The following AUTS2 variants were observed in gnomAD, a reference collection of about 807,000 sequenced individuals.
AUTS2 encodes activator of transcription and developmental regulator AUTS2, also known as autism susceptibility gene 2 protein.
AUTS2 carries 17 observed loss-of-function variants against 112.4 expected under a neutral mutation model. The ratio of observed to expected loss-of-function variants is 0.15; its 90% CI spans 0.10 to 0.23. The LOEUF is 0.23. Ranked by LOEUF, AUTS2 falls within the 10% of genes least tolerant of loss-of-function variation. The pLI, the probability that AUTS2 is intolerant of heterozygous loss-of-function variation, is 1.00. For synonymous variants in AUTS2, 751 were observed against 702.7 expected (o/e 1.07, Z -1.09); for missense variants, 1,510 against 1,701.6 (o/e 0.89, Z 1.98).
At chr7:70,164,211 T>C (rs1177789302) in intron 4 of AUTS2, among the ~76,000 whole-genome samples, 2 of 152,218 alleles carry the variant, frequency 1.3e-5, no homozygotes, top group African/African-American at 4.8e-5. Flanking sequence ...TGTTGTTACA[T>C]CTTACACTTG....
intron 5 of AUTS2, among the ~76,000 whole-genome samples, chr7:70,541,506 A>G (rs1800553003): frequency 6.6e-6 from 1 of 152,264 alleles, no homozygotes; most frequent in South Asian, 2.1e-4. Flanking sequence ...TATCAGGATA[A>G]GAAGGAACAT....
chr7:69,605,101 A>C (rs1488006490), intron 1 of AUTS2, among the ~76,000 whole-genome samples: 5 of 152,248 alleles, frequency 3.3e-5, no homozygotes, highest in African/African-American at 1.2e-4. Context: ...TATTTTGACC[A>C]CAGAGCACTT....
At chr7:70,712,115 T>G (rs1359993234) in intron 6 of AUTS2, among the ~76,000 whole-genome samples, 1 of 150,820 alleles carries the variant, frequency 6.6e-6, no homozygotes, top group African/African-American at 2.4e-5. Context: ...ACCTCCACTT[T>G]CTGGCTCAAG....
At chr7:69,626,595 TATAA>T (rs1793961551) in intron 1 of AUTS2, among the ~76,000 whole-genome samples, 1 of 152,182 alleles carries the variant, frequency 6.6e-6, no homozygotes, top group Non-Finnish European at 1.5e-5. Context: ...TAGTTTATTA[TATAA>T]ATCATATGCA....
chr7:70,684,282 C>T (rs746483957), intron 5 of AUTS2, among the ~76,000 whole-genome samples: 13 of 152,280 alleles, frequency 8.5e-5, no homozygotes, highest in Middle Eastern at 3.4e-3. Context: ...GACTAACATG[C>T]GGTTGGCCAC....
chr7:70,665,455 T>C (rs1017459057), intron 5 of AUTS2, among the ~76,000 whole-genome samples: 82 of 150,424 alleles, frequency 5.5e-4, no homozygotes, highest in Middle Eastern at 3.4e-3. Context: ...ATTTATCTAT[T>C]TATTTATTTA....
At chr7:70,714,088 G>C in intron 6 of AUTS2, among the ~76,000 whole-genome samples, 1 of 152,092 alleles carries the variant, frequency 6.6e-6, no homozygotes, top group East Asian at 1.9e-4. Context: ...ATTTTCAACA[G>C]GGAATATCAC....
chr7:70,431,651 C>T (rs1795677779), intron 4 of AUTS2, among the ~76,000 whole-genome samples: 1 of 152,234 alleles, frequency 6.6e-6, no homozygotes, highest in South Asian at 2.1e-4. Context: ...TCCCAAAGTG[C>T]TGGGATTACA....
intron 2 of AUTS2, among the ~76,000 whole-genome samples, chr7:69,967,612 C>G (rs886784299): frequency 1.3e-5 from 2 of 152,130 alleles, no homozygotes; most frequent in African/African-American, 4.8e-5. Flanking sequence ...TTCCTCCTGT[C>G]TTTGAATACT....
intron 4 of AUTS2, among the ~76,000 whole-genome samples, chr7:70,360,220 T>C (rs1329519214): frequency 6.6e-6 from 1 of 152,158 alleles, no homozygotes; most frequent in Non-Finnish European, 1.5e-5. Flanking sequence ...CTCAACCTCC[T>C]GGGCTCAGGC....
intron 2 of AUTS2, among the ~76,000 whole-genome samples, chr7:70,083,231 A>G (rs910606899): frequency 1.3e-5 from 2 of 152,134 alleles, no homozygotes; most frequent in Non-Finnish European, 2.9e-5. Flanking sequence ...GAGGGAACCC[A>G]CGAGTTTCCT....
intron 4 of AUTS2, among the ~76,000 whole-genome samples, chr7:70,385,352 G>C (rs1793562537): frequency 1.3e-5 from 2 of 152,112 alleles, no homozygotes; most frequent in Non-Finnish European, 2.9e-5. Context: ...TTATCTTCTT[G>C]ATTTCTAAGA....
chr7:70,345,410 C>A (rs1323367707), intron 4 of AUTS2, among the ~76,000 whole-genome samples: 2 of 152,082 alleles, frequency 1.3e-5, no homozygotes, highest in African/African-American at 2.4e-5. Context: ...GTGTTAATTT[C>A]TTTGATGGTG....
At chr7:70,300,760 A>G (rs1789175399) in intron 4 of AUTS2, among the ~76,000 whole-genome samples, 1 of 152,122 alleles carries the variant, frequency 6.6e-6, no homozygotes, top group Non-Finnish European at 1.5e-5. Flanking sequence ...ATAGGCTTAC[A>G]TTTTCTCAAT....
chr7:70,719,601 T>A (rs1165480046), intron 6 of AUTS2, among the ~76,000 whole-genome samples: 1 of 151,964 alleles, frequency 6.6e-6, no homozygotes, highest in Non-Finnish European at 1.5e-5. Context: ...GTAGGTGGGA[T>A]TACAGGCTCC....
chr7:70,004,936 T>C (rs1238613394), intron 2 of AUTS2, among the ~76,000 whole-genome samples: 1 of 151,994 alleles, frequency 6.6e-6, no homozygotes, highest in East Asian at 1.9e-4. Flanking sequence ...GTAATTCTCC[T>C]GCCTCAGCCT....
At chr7:70,748,341 A>G (rs373145144) in intron 6 of AUTS2, among the ~76,000 whole-genome samples, 14 of 152,330 alleles carry the variant, frequency 9.2e-5, no homozygotes, top group African/African-American at 2.2e-4. Flanking sequence ...TAGAAAATCA[A>G]TGTAAAGGTT....
At chr7:70,038,581 A>C (rs913530900) in intron 2 of AUTS2, among the ~76,000 whole-genome samples, 4 of 152,136 alleles carry the variant, frequency 2.6e-5, no homozygotes, top group Admixed American at 6.5e-5. Context: ...GGAAATTTGC[A>C]TGGGTACATG....
At chr7:69,964,838 C>A (rs1380477191) in intron 2 of AUTS2, among the ~76,000 whole-genome samples, 1 of 151,912 alleles carries the variant, frequency 6.6e-6, no homozygotes, top group Non-Finnish European at 1.5e-5. Flanking sequence ...ACCTTCCAAC[C>A]CCATAATTCC....
Sources: allele counts gnomAD v4.1 joint callset (sites outside exome capture counted in the v4.1 genomes callset), GRCh38; gene constraint gnomAD v4.1.1; transcripts MANE v1.5; gene names NCBI Gene and HGNC (gene_info 2026-07-23, HGNC 2026-07-21).